Variants in IL17RB observed in about 807,000 individuals in gnomAD.
IL17RB encodes the protein interleukin 17 receptor B, also known as interleukin-17 receptor B.
Under a neutral mutation model 43.9 loss-of-function variants are expected in IL17RB, and 36 were observed. The observed-to-expected ratio is 0.82, with a 90% confidence interval of 0.63 to 1.08. The LOEUF (loss-of-function observed/expected upper bound fraction) is 1.08. IL17RB is among the 50% of genes least tolerant of loss of function. IL17RB has a pLI of 0.00. For synonymous variants in IL17RB, 225 were observed against 225.4 expected (o/e 1.00, Z 0.02); for missense variants, 613 against 613.6 (o/e 1.00, Z 0.01).
At chr3:53,849,531 T>TA (rs3832251) in intron 2 of IL17RB, 124 bp from the exon 3 acceptor site, 428,483 of 551,546 alleles carry the variant, frequency 0.78, 153,859 homozygotes, top group African/African-American at 0.88. Context: ...TTTTTTTAAT[T>TA]AAAAAAAAAA....
At chr3:53,864,613 T>C (rs1304317220) in intron 10 of IL17RB, 133 bp from the exon 11 acceptor site, 1 of 694,978 alleles carries the variant, frequency 1.4e-6, no homozygotes, top group Non-Finnish European at 2.5e-6. Context: ...ATGTTTTTCC[T>C]TGCTGTCACT....
chr3:53,865,227 T>C lies in IL17RB; in HGVS notation c.1428T>C (p.Cys476=). Residue 476 remains cysteine, a synonymous_variant, in exon 11 of 11, where the codon TGT becomes TGC. Transcript: ENST00000288167. ...TCATGAAGGATGCCACTGCTTTCTGTGCAGAACTTCTCCATGTCAAGCAGC... is the reference window on the plus strand; with the variant it reads ...TCATGAAGGATGCCACTGCTTTCTGCGCAGAACTTCTCCATGTCAAGCAGC... ...YHLMKDATAF[C]AELLHVKQQV... is the part of the protein sequence containing the mutation. 8 of 1,613,808 alleles carry C rather than the reference T, an allele frequency of 5.0e-6. No homozygotes were observed. The highest frequency in any genetic ancestry group is 6.8e-6 in the Non-Finnish European group (8 of 1,180,018).
At chr3:53,857,867 C>T (rs1021569031) in intron 8 of IL17RB, 177 bp downstream of exon 8, 12 of 614,134 alleles carry the variant, frequency 2.0e-5, no homozygotes, top group South Asian at 4.0e-5. Flanking sequence ...GTCAGGAGGC[C>T]GACGTGGCAG....
At chr3:53,857,573 G>C (rs772650438) in intron 7 of IL17RB, 43 bp from the exon 8 acceptor site, 1 of 1,580,200 alleles carries the variant, frequency 6.3e-7, no homozygotes, top group African/African-American at 1.3e-5. Context: ...GGGTGAGCCA[G>C]TGCACCTGGC....
chr3:53,846,994 G>A (rs903392209), intron 1 of IL17RB, among the ~76,000 whole-genome samples: 1 of 152,216 alleles, frequency 6.6e-6, no homozygotes, highest in East Asian at 1.9e-4. Flanking sequence ...GAAGGGCCTG[G>A]CACGTAGTTA....
chr3:53,850,086 A>G (rs1343855798), intron 3 of IL17RB, among the ~76,000 whole-genome samples: 1 of 152,246 alleles, frequency 6.6e-6, no homozygotes, highest in Non-Finnish European at 1.5e-5. Context: ...TCACAAACAT[A>G]AGGCAGATTC....
At chr3:53,862,358 A>G (rs1346100444) in intron 10 of IL17RB, among the ~76,000 whole-genome samples, 1 of 152,242 alleles carries the variant, frequency 6.6e-6, no homozygotes, top group East Asian at 1.9e-4. Flanking sequence ...AGAGAACAAC[A>G]TGGAAGTCTG....
Position 53,852,054 on chromosome 3 carries a change from C to T in IL17RB, c.282C>T (p.Phe94=). 6.2e-7 allele frequency: 1 copy of T among 1,614,168 alleles called. No individual in the cohort carries two copies. Among genetic ancestry groups the T allele is most frequent in the Non-Finnish European group, 8.5e-7 (1 of 1,180,026 alleles). ...TKICVTGKSN[F]QSYSCVRCNY... ...TTTGTGTGACGGGCAAAAGCAACTTCCAGTCCTACAGCTGTGTGAGGTGCA... is the reference window on the plus strand; with the variant it reads ...TTTGTGTGACGGGCAAAAGCAACTTTCAGTCCTACAGCTGTGTGAGGTGCA... The change falls in exon 4 of 11, where the codon TTC becomes TTT. Residue 94 remains phenylalanine, a synonymous_variant. Coordinates refer to ENST00000288167, the MANE Select transcript of IL17RB (RefSeq NM_018725.4).
In IL17RB at chr3:53,865,330, A is replaced by T. The variant is rs1186418426; in HGVS notation, c.*22A>T. The T allele has an allele frequency of 2.5e-6, 4 of 1,571,348 alleles. No individual in the cohort carries two copies. Among genetic ancestry groups the T allele is most frequent in the Admixed American group, 1.8e-5 (1 of 56,812 alleles). On this transcript the variant is annotated 3_prime_UTR_variant, in exon 11 of 11. Coordinates refer to ENST00000288167, the MANE Select transcript of IL17RB (RefSeq NM_018725.4). ...GTAGCCCACCCATGAGAAGCAAGAG[A>T]CCTTAAAGGCTTCCTATCCCACCAA...
chr3:53,862,627 C>T (rs1057150533), intron 10 of IL17RB, among the ~76,000 whole-genome samples: 2 of 152,142 alleles, frequency 1.3e-5, no homozygotes, highest in Non-Finnish European at 2.9e-5. Flanking sequence ...GAGAAGACAA[C>T]CTGCTGGAGA....
At chr3:53,848,143 C>T (rs886470578) in intron 1 of IL17RB, among the ~76,000 whole-genome samples, 8 of 152,210 alleles carry the variant, frequency 5.3e-5, no homozygotes, top group African/African-American at 7.2e-5. Context: ...CTTATGGTTT[C>T]GTGAATTGCT....
At position 53,860,317 on chromosome 3, in the gene IL17RB, A is replaced by G. The variant is rs887258159; in HGVS notation, c.946+89A>G. 5 of 1,044,176 alleles carry G rather than the reference A, an allele frequency of 4.8e-6. No homozygotes were observed. The Admixed American group carries it at 1.0e-4, about 21-fold the overall frequency. 64.7% of individuals were successfully genotyped at this position (1,044,176 alleles called of 1,614,324 possible). On this transcript the variant is annotated intron_variant, in intron 10 of 10. Coordinates refer to ENST00000288167, the MANE Select transcript of IL17RB (RefSeq NM_018725.4). ...AGAAGATTCCTCTGGAGGCAATCAC[A>G]TGTTGGCGTTTCCCAGAGTTAGATA...
At chr3:53,848,178 G>C (rs1167876176) in intron 1 of IL17RB, among the ~76,000 whole-genome samples, 1 of 152,206 alleles carries the variant, frequency 6.6e-6, no homozygotes, top group Non-Finnish European at 1.5e-5. Context: ...GTGTTAGAAG[G>C]GGAACATTTT....
rs569851436 is a variant in IL17RB, at chr3:53,855,423, A to G, written c.529+82A>G. 5.1e-5 allele frequency: 50 copies of G among 981,106 alleles called. No homozygotes were observed. In the South Asian group the frequency reaches 7.1e-4, roughly 14 times the overall value. 60.8% of individuals were successfully genotyped at this position (981,106 alleles called of 1,614,324 possible). A position where few individuals can be genotyped will look rare whatever the true frequency, so the allele number is the denominator to read the frequency against. On this transcript the variant is annotated intron_variant, in intron 6 of 10. Coordinates refer to ENST00000288167, the MANE Select transcript of IL17RB (RefSeq NM_018725.4). ...CATAGCTCTCTTCATCTTTGCACAG[A>G]AGAACTGAGCCCTAGGGGAGAGTTG...
At position 53,864,979 on chromosome 3, in the gene IL17RB, T is replaced by C. The variant is rs1389264711; in HGVS notation, c.1180T>C (p.Phe394Leu). 6.2e-7 allele frequency: 1 copy of C among 1,614,218 alleles called. No homozygotes were observed. Among genetic ancestry groups the C allele is most frequent in the Admixed American group, 1.7e-5 (1 of 60,028 alleles). The change falls in exon 11 of 11, where the codon TTC becomes CTC. Residue 394 changes from phenylalanine (F) to leucine (L), a missense_variant. Phe to Leu is a conservative substitution (Grantham distance 22, BLOSUM62 0). Coordinates refer to ENST00000288167, the MANE Select transcript of IL17RB (RefSeq NM_018725.4). ...TQKKAADKVV[F>L]LLSNDVNSVC... ...AAAGAAGGCAGCAGACAAAGTCGTCTTCCTTCTTTCCAATGACGTCAACAG... is the reference window on the plus strand; with the variant it reads ...AAAGAAGGCAGCAGACAAAGTCGTCCTCCTTCTTTCCAATGACGTCAACAG...
intron 3 of IL17RB, among the ~76,000 whole-genome samples, chr3:53,851,364 G>A (rs548025768): frequency 6.6e-6 from 1 of 152,318 alleles, no homozygotes; most frequent in African/African-American, 2.4e-5. Flanking sequence ...ATCTGAGTGG[G>A]ATAGGGCGAG....
intron 2 of IL17RB, among the ~76,000 whole-genome samples, chr3:53,849,246 A>G (rs1046388037): frequency 1.3e-5 from 2 of 152,224 alleles, no homozygotes; most frequent in Non-Finnish European, 2.9e-5. Context: ...ATACATGTGT[A>G]CATACACAGG....
At chr3:53,856,804 G>A in intron 6 of IL17RB, 40 bp from the exon 7 acceptor site, 1 of 1,611,552 alleles carries the variant, frequency 6.2e-7, no homozygotes, top group Non-Finnish European at 8.5e-7. Context: ...TGAGGGAAGA[G>A]TTAGCAAGTT....
Position 53,864,875 on chromosome 3 carries a change from G to A in IL17RB, c.1076G>A (p.Cys359Tyr). The part of the protein sequence containing the change: ...CYFTEFLQNH[C>Y]RSEVILEKWQ... ...TTCACTGAATTTCTTCAAAACCATT[G>A]CAGAAGTGAGGTCATCCTTGAAAAG... Residue 359 changes from cysteine to tyrosine, a missense_variant, in exon 11 of 11, where the codon TGC becomes TAC. Cys to Tyr is a radical substitution (Grantham distance 194). Coordinates refer to ENST00000288167, the MANE Select transcript of IL17RB (RefSeq NM_018725.4). 1 of 1,614,188 alleles carries A rather than the reference G, an allele frequency of 6.2e-7. No homozygotes were observed. Among genetic ancestry groups the A allele is most frequent in the Non-Finnish European group, 8.5e-7 (1 of 1,180,026 alleles).
Sources: gnomAD v4.1 joint callset for allele counts (sites outside exome capture counted in the v4.1 genomes callset) on GRCh38, gnomAD v4.1.1 for gene constraint, MANE v1.5 for transcripts, NCBI Gene and HGNC (gene_info 2026-07-23, HGNC 2026-07-21) for gene names.